MDGA2: variants seen among roughly 807,000 people sequenced by gnomAD.
MDGA2 encodes the protein MAM domain containing glycosylphosphatidylinositol anchor 2, also known as MAM domain-containing glycosylphosphatidylinositol anchor protein 2.
MDGA2 carries 40 observed loss-of-function variants against 117.8 expected under a neutral mutation model. That is an observed-to-expected ratio of 0.34 (90% confidence interval 0.26 to 0.44). The LOEUF is 0.44. Among genes scored for constraint, MDGA2 ranks in the 20% least tolerant of loss-of-function variants. The pLI is 1.00. For missense variants in MDGA2, 1,123 were observed against 1,250.6 expected (o/e 0.90, Z 1.54); for synonymous variants, 452 against 439.0 (o/e 1.03, Z -0.37).
intron 1 of MDGA2, among the ~76,000 whole-genome samples, chr14:47,555,854 C>T (rs1161277883): frequency 6.6e-6 from 1 of 152,140 alleles, no homozygotes; most frequent in Non-Finnish European, 1.5e-5. Context: ...CCTTCCTTTC[C>T]ATGTAAGCCC....
At chr14:47,223,128 A>G (rs1886360118) in intron 2 of MDGA2, among the ~76,000 whole-genome samples, 1 of 152,186 alleles carries the variant, frequency 6.6e-6, no homozygotes, top group African/African-American at 2.4e-5. Flanking sequence ...AGACTTATTC[A>G]CTACCACAAG....
At chr14:47,320,861 GC>G (rs2139874352) in intron 1 of MDGA2, among the ~76,000 whole-genome samples, 1 of 152,210 alleles carries the variant, frequency 6.6e-6, no homozygotes, top group East Asian at 1.9e-4. Flanking sequence ...ACTTGTGTTT[GC>G]CCTAAAGTTA....
intron 14 of MDGA2, among the ~76,000 whole-genome samples, chr14:46,860,914 A>T (rs980580411): frequency 6.6e-6 from 1 of 151,880 alleles, no homozygotes; most frequent in African/African-American, 2.4e-5. Flanking sequence ...TCACCAGTAT[A>T]TGTTTCTTCT....
chr14:47,026,584 T>A (rs1888481020), intron 8 of MDGA2, among the ~76,000 whole-genome samples: 1 of 152,096 alleles, frequency 6.6e-6, no homozygotes, highest in South Asian at 2.1e-4. Context: ...CCTTTATGTG[T>A]GATTTATTAT....
chr14:46,867,169 TA>T (rs1881802665), intron 14 of MDGA2, among the ~76,000 whole-genome samples: 1 of 152,148 alleles, frequency 6.6e-6, no homozygotes, highest in African/African-American at 2.4e-5. Flanking sequence ...TAGACTGGAT[TA>T]AGAAAATGTG....
chr14:47,021,166 G>T (rs1315415101), intron 8 of MDGA2, among the ~76,000 whole-genome samples: 2 of 152,062 alleles, frequency 1.3e-5, no homozygotes, highest in African/African-American at 4.8e-5. Context: ...GCTACATCAA[G>T]AAGAAATAAT....
intron 1 of MDGA2, among the ~76,000 whole-genome samples, chr14:47,371,100 A>G (rs1891348701): frequency 6.6e-6 from 1 of 151,926 alleles, no homozygotes; most frequent in African/African-American, 2.4e-5. Flanking sequence ...ATTGAAATAC[A>G]CTTGAAAAAT....
intron 2 of MDGA2, among the ~76,000 whole-genome samples, chr14:47,276,389 T>C (rs1372428774): frequency 6.6e-6 from 1 of 152,170 alleles, no homozygotes; most frequent in Non-Finnish European, 1.5e-5. Flanking sequence ...CTTGTGCAAA[T>C]ACCTTATTCT....
intron 3 of MDGA2, among the ~76,000 whole-genome samples, chr14:47,154,747 G>T (rs947041845): frequency 6.6e-6 from 1 of 152,188 alleles, no homozygotes; most frequent in Non-Finnish European, 1.5e-5. Context: ...GGGGCTGAGG[G>T]CCACTCGGCA....
At chr14:47,157,566 G>A (rs960408012) in intron 3 of MDGA2, among the ~76,000 whole-genome samples, 6 of 150,552 alleles carry the variant, frequency 4.0e-5, no homozygotes, top group African/African-American at 1.5e-4. Flanking sequence ...AAATAACAAA[G>A]GATATAAATT....
At chr14:47,534,194 C>T (rs773198905) in intron 1 of MDGA2, among the ~76,000 whole-genome samples, 11 of 152,050 alleles carry the variant, frequency 7.2e-5, no homozygotes, top group Non-Finnish European at 1.3e-4. Flanking sequence ...ATCTATTACT[C>T]GGGTTGATTT....
intron 1 of MDGA2, among the ~76,000 whole-genome samples, chr14:47,664,158 T>C (rs1897899879): frequency 6.6e-6 from 1 of 152,162 alleles, no homozygotes; most frequent in African/African-American, 2.4e-5. Context: ...CAATATAAAC[T>C]ACACGTGCAT....
chr14:47,137,889 T>C (rs950108374), intron 4 of MDGA2, among the ~76,000 whole-genome samples: 2 of 152,150 alleles, frequency 1.3e-5, no homozygotes, highest in Non-Finnish European at 2.9e-5. Context: ...TATGTGAACC[T>C]AGAGGGCCCA....
chr14:47,102,814 G>A (rs1880419533), intron 5 of MDGA2, among the ~76,000 whole-genome samples: 1 of 152,156 alleles, frequency 6.6e-6, no homozygotes, highest in Admixed American at 6.5e-5. Context: ...CCTGCATTCA[G>A]TGAAAGTTCT....
intron 1 of MDGA2, among the ~76,000 whole-genome samples, chr14:47,613,710 T>C (rs929035356): frequency 6.6e-6 from 1 of 152,186 alleles, no homozygotes; most frequent in African/African-American, 2.4e-5. Context: ...ATATCTGTCC[T>C]ATCAACATTC....
chr14:47,134,306 C>T (rs923599545), intron 4 of MDGA2, among the ~76,000 whole-genome samples: 33 of 151,866 alleles, frequency 2.2e-4, no homozygotes, highest in African/African-American at 8.0e-4. Flanking sequence ...ACTGTAACTA[C>T]CCAAGGTTTG....
intron 1 of MDGA2, among the ~76,000 whole-genome samples, chr14:47,309,644 G>A (rs577232031): frequency 2.0e-5 from 3 of 151,978 alleles, no homozygotes; most frequent in African/African-American, 4.8e-5. Context: ...AATTATTAAC[G>A]TTTGCTAAAT....
In MDGA2 at chr14:46,878,286, A is replaced by G. The variant is rs548408779; in HGVS notation, c.2417-777T>C. On this transcript the variant is annotated intron_variant, in intron 11 of 16. Coordinates refer to ENST00000399232, the MANE Select transcript of MDGA2 (RefSeq NM_001113498.3). ...CTAAGGGCCAAATTTGTATCTGTAT[A>G]TATCAATTAACCACTTATCACTCTG... is the stretch of plus-strand genomic sequence containing the variant. 1.5e-4 allele frequency among the ~76,000 whole-genome samples: 23 copies of G among 152,124 alleles called. 1 individual carries two copies. Among genetic ancestry groups the G allele is most frequent in the African/African-American group, 5.3e-4 (22 of 41,568 alleles).
At position 47,631,855 on chromosome 14, in the gene MDGA2, G is replaced by A. The variant is rs137894146; in HGVS notation, c.280+42662C>T. 1.6e-3 allele frequency among the ~76,000 whole-genome samples: 237 copies of A among 151,832 alleles called. 1 individual carries two copies. Among genetic ancestry groups the A allele is most frequent in the African/African-American group, 5.6e-3 (232 of 41,374 alleles). ...CCAACCCACACCCTGCAGGCCGCAC[G>A]TGGCCCAGGACAGCTTTGAATGCCG... On this transcript the variant is annotated intron_variant, in intron 1 of 16. Coordinates refer to ENST00000399232, the MANE Select transcript of MDGA2 (RefSeq NM_001113498.3).
Sources: allele counts gnomAD v4.1 joint callset (sites outside exome capture counted in the v4.1 genomes callset), GRCh38; gene constraint gnomAD v4.1.1; transcripts MANE v1.5; gene names NCBI Gene and HGNC (gene_info 2026-07-23, HGNC 2026-07-21).